Variants in SLC24A2 observed in about 807,000 individuals in gnomAD.
The protein encoded by SLC24A2 is solute carrier family 24 member 2.
SLC24A2 carries 36 observed loss-of-function variants against 62.0 expected under a neutral mutation model. The ratio of observed to expected loss-of-function variants is 0.58; its 90% confidence interval spans 0.44 to 0.77. The LOEUF (loss-of-function observed/expected upper bound fraction) is 0.77, where lower values mean the gene tolerates loss of function less well. Among genes scored for constraint, SLC24A2 ranks in the 30% least tolerant of loss-of-function variants. The pLI is 0.00. For missense variants in SLC24A2, 846 were observed against 817.9 expected, an observed-to-expected ratio of 1.03 and a Z score of -0.42; for synonymous variants, 358 against 294.0, an observed-to-expected ratio of 1.22 and a Z score of -2.23.
At chr9:20,086,391 C>G in the SLC24A2 span, among the ~76,000 whole-genome samples, 8 of 152,170 alleles carry the variant, frequency 5.3e-5, no homozygotes, top group Non-Finnish European at 1.2e-4. Flanking sequence ...CAGGACTCAC[C>G]TTGAGCCCCC....
the SLC24A2 span, among the ~76,000 whole-genome samples, chr9:19,871,048 A>C: frequency 6.6e-6 from 1 of 151,614 alleles, no homozygotes; most frequent in South Asian, 2.1e-4. Context: ...TTTTGCTGTC[A>C]TATCTAAGAA....
chr9:20,016,769 A>AG, the SLC24A2 span, among the ~76,000 whole-genome samples: 1 of 152,194 alleles, frequency 6.6e-6, no homozygotes, highest in African/African-American at 2.4e-5. Flanking sequence ...AGAAAAAGAT[A>AG]GGGGAGGATA....
the SLC24A2 span, among the ~76,000 whole-genome samples, chr9:20,222,793 C>A: frequency 0.032 from 4,877 of 152,016 alleles, 203 homozygotes; most frequent in African/African-American, 0.099. Flanking sequence ...TAAAAAATCG[C>A]TGCCAACTAG....
the SLC24A2 span, among the ~76,000 whole-genome samples, chr9:20,279,857 A>G: frequency 6.6e-6 from 1 of 152,238 alleles, no homozygotes; most frequent in Admixed American, 6.5e-5. Context: ...TCCAGGTCTC[A>G]GGGACACACT....
the SLC24A2 span, among the ~76,000 whole-genome samples, chr9:19,849,955 G>A: frequency 1.8e-4 from 28 of 151,464 alleles, no homozygotes; most frequent in East Asian, 4.1e-3. Context: ...AAGGCAGTTA[G>A]CACATTTCCA....
At chr9:19,986,997 T>A in the SLC24A2 span, among the ~76,000 whole-genome samples, 98 of 152,026 alleles carry the variant, frequency 6.4e-4, no homozygotes, top group Non-Finnish European at 1.1e-3. Context: ...ATAATGAGCT[T>A]GAACTCAAGC....
At chr9:19,911,838 C>A in the SLC24A2 span, among the ~76,000 whole-genome samples, 17 of 152,232 alleles carry the variant, frequency 1.1e-4, no homozygotes, top group African/African-American at 3.6e-4. Flanking sequence ...TCTCAGCACA[C>A]TGGGTTCTCT....
chr9:19,701,822 C>T (rs1391164349), intron 2 of SLC24A2, among the ~76,000 whole-genome samples: 1 of 152,096 alleles, frequency 6.6e-6, no homozygotes, highest in African/African-American at 2.4e-5. Context: ...CATCTTAATC[C>T]CACTTAATTT....
the SLC24A2 span, among the ~76,000 whole-genome samples, chr9:19,981,907 T>C: frequency 6.6e-6 from 1 of 152,076 alleles, no homozygotes; most frequent in Non-Finnish European, 1.5e-5. Context: ...GAAAGTATAC[T>C]CTCCCTACCC....
intron 2 of SLC24A2, among the ~76,000 whole-genome samples, chr9:19,654,783 C>T (rs2118191058): frequency 6.6e-6 from 1 of 152,298 alleles, no homozygotes. Flanking sequence ...AACTGCTTTG[C>T]CCAGTCCAGA....
At chr9:19,524,048 T>A (rs559813827) in intron 9 of SLC24A2, among the ~76,000 whole-genome samples, 108 of 144,948 alleles carry the variant, frequency 7.5e-4, no homozygotes, top group African/African-American at 2.7e-3. Context: ...GACGGGACAG[T>A]ACTCTGAAAA....
the SLC24A2 span, among the ~76,000 whole-genome samples, chr9:20,218,967 G>A: frequency 1.3e-5 from 2 of 152,152 alleles, no homozygotes; most frequent in South Asian, 2.1e-4. Context: ...TATTGATGAA[G>A]TGCTGAGGGC....
At chr9:19,981,549 A>G in the SLC24A2 span, among the ~76,000 whole-genome samples, 2 of 152,140 alleles carry the variant, frequency 1.3e-5, no homozygotes, top group Non-Finnish European at 2.9e-5. Context: ...ATTTTTAAAA[A>G]TCCCCTGTAT....
chr9:19,811,131 A>G, the SLC24A2 span, among the ~76,000 whole-genome samples: 1 of 152,190 alleles, frequency 6.6e-6, no homozygotes, highest in African/African-American at 2.4e-5. Context: ...GGGAACCCTC[A>G]TGAATGAGAT....
the SLC24A2 span, among the ~76,000 whole-genome samples, chr9:20,190,444 T>C: frequency 6.6e-6 from 1 of 152,184 alleles, no homozygotes; most frequent in Non-Finnish European, 1.5e-5. Flanking sequence ...ATGTCTAACC[T>C]ATGCCAGAAG....
intron 2 of SLC24A2, among the ~76,000 whole-genome samples, chr9:19,647,047 T>C (rs953047008): frequency 1.5e-5 from 2 of 134,214 alleles, no homozygotes; most frequent in Non-Finnish European, 3.1e-5. Context: ...TCTCTCTCTT[T>C]CCACACACAC....
chr9:19,669,777 T>C (rs1819362689), intron 2 of SLC24A2, among the ~76,000 whole-genome samples: 1 of 152,240 alleles, frequency 6.6e-6, no homozygotes. Context: ...CCCATCTGGA[T>C]AATACAGGGT....
At chr9:19,679,272 G>C (rs1031079902) in intron 2 of SLC24A2, among the ~76,000 whole-genome samples, 1 of 152,054 alleles carries the variant, frequency 6.6e-6, no homozygotes, top group Non-Finnish European at 1.5e-5. Flanking sequence ...ATGCATAAAG[G>C]TTTATTTCTA....
At chr9:19,798,508 C>T in the SLC24A2 span, among the ~76,000 whole-genome samples, 1 of 151,948 alleles carries the variant, frequency 6.6e-6, no homozygotes, top group Non-Finnish European at 1.5e-5. Context: ...GTCATTTTTA[C>T]AAAGAGGGCC....
Sources: gnomAD v4.1 joint callset for allele counts (sites outside exome capture counted in the v4.1 genomes callset) on GRCh38, gnomAD v4.1.1 for gene constraint, MANE v1.5 for transcripts, NCBI Gene and HGNC (gene_info 2026-07-23, HGNC 2026-07-21) for gene names.